TAFA5: variants seen among roughly 807,000 people sequenced by gnomAD.
TAFA5 encodes the protein TAFA chemokine like family member 5.
A neutral mutation model predicts 15.3 loss-of-function variants in TAFA5; 6 were observed. The ratio of observed to expected loss-of-function variants is 0.39; its 90% CI spans 0.21 to 0.77. The LOEUF is 0.77. Ranked by LOEUF, TAFA5 falls within the 30% of genes least tolerant of loss-of-function variation. The probability of loss-of-function intolerance (pLI) is 0.41; values close to 1 mark genes in which losing one functional copy is unlikely to be tolerated. For missense variants in TAFA5, 161 were observed against 193.1 expected, an observed-to-expected ratio of 0.83 and a Z score of 0.98; for synonymous variants, 103 against 80.7, an observed-to-expected ratio of 1.28 and a Z score of -1.48.
At chr22:48,714,081 G>A (rs920502212) in intron 3 of TAFA5, among the ~76,000 whole-genome samples, 15 of 152,230 alleles carry the variant, frequency 9.9e-5, no homozygotes, top group East Asian at 1.9e-4. Context: ...CGCCCAGGGC[G>A]GCCCTGCAGA....
At chr22:48,635,744 C>T (rs1457660088) in intron 1 of TAFA5, among the ~76,000 whole-genome samples, 1 of 152,176 alleles carries the variant, frequency 6.6e-6, no homozygotes, top group Non-Finnish European at 1.5e-5. Flanking sequence ...CTGGGGGTGG[C>T]ACTGGGCGTT....
At chr22:48,649,594 G>A (rs950007701) in intron 2 of TAFA5, among the ~76,000 whole-genome samples, 5 of 152,162 alleles carry the variant, frequency 3.3e-5, no homozygotes, top group East Asian at 1.9e-4. Flanking sequence ...CTCAGGCCTC[G>A]GTTCTACAGA....
Position 48,544,306 on chromosome 22 carries a change from T to TC in TAFA5, c.112+54607dup, listed in dbSNP as rs1034708719. On this transcript the variant is annotated intron_variant, in intron 1 of 3. Coordinates refer to ENST00000402357, the MANE Select transcript of TAFA5 (RefSeq NM_001082967.3). ...AGAGCTGTGGACCTGGGGGGCATCC[T>TC]CCCCCTGCGTTGTCTGCCCCCTCTA... 6 of 249,538 alleles carry TC rather than the reference T, an allele frequency of 2.4e-5. No individual in the cohort carries two copies. In the South Asian group the frequency reaches 3.3e-4, roughly 14 times the overall value. The allele number at this position is 249,538 out of a possible 1,614,324, so 15.5% of individuals were successfully genotyped here. A position where few individuals can be genotyped will look rare whatever the true frequency, so the allele number is the denominator to read the frequency against.
intron 1 of TAFA5, among the ~76,000 whole-genome samples, chr22:48,531,695 C>A (rs1461996193): frequency 1.3e-5 from 2 of 152,178 alleles, no homozygotes; most frequent in Non-Finnish European, 2.9e-5. Flanking sequence ...CTGTCAGTCT[C>A]GCGCCAGAGA....
At chr22:48,493,281 A>G (rs1202218640) in intron 1 of TAFA5, among the ~76,000 whole-genome samples, 1 of 152,208 alleles carries the variant, frequency 6.6e-6, no homozygotes, top group African/African-American at 2.4e-5. Flanking sequence ...CAGGTTCACT[A>G]TGTGCTGGAC....
chr22:48,700,164 C>T (rs130125), intron 2 of TAFA5, among the ~76,000 whole-genome samples: 93,435 of 151,528 alleles, frequency 0.62, 29,555 homozygotes, highest in African/African-American at 0.76. Context: ...TGCTGGATCC[C>T]GAAACCCTTC....
At chr22:48,654,456 A>G (rs1034960209) in intron 2 of TAFA5, among the ~76,000 whole-genome samples, 4 of 152,060 alleles carry the variant, frequency 2.6e-5, no homozygotes, top group Admixed American at 6.5e-5. Context: ...ACTCCTTCCC[A>G]TGAGGATGGG....
At chr22:48,495,986 T>A (rs1348051028) in intron 1 of TAFA5, among the ~76,000 whole-genome samples, 2 of 152,228 alleles carry the variant, frequency 1.3e-5, no homozygotes, top group African/African-American at 2.4e-5. Context: ...CTCTCCCACA[T>A]ACTCCGGATT....
intron 1 of TAFA5, among the ~76,000 whole-genome samples, chr22:48,594,426 T>G (rs1273581076): frequency 6.6e-6 from 1 of 152,142 alleles, no homozygotes; most frequent in Non-Finnish European, 1.5e-5. Flanking sequence ...CACACGAGTG[T>G]GCACAGGCAG....
chr22:48,601,866 T>G (rs1924985585), intron 1 of TAFA5, among the ~76,000 whole-genome samples: 2 of 152,238 alleles, frequency 1.3e-5, no homozygotes, highest in Non-Finnish European at 2.9e-5. Context: ...CCTAGAGCAG[T>G]GTGCGGCGAG....
chr22:48,567,236 G>A (rs937590875), intron 1 of TAFA5, among the ~76,000 whole-genome samples: 1 of 152,216 alleles, frequency 6.6e-6, no homozygotes, highest in African/African-American at 2.4e-5. Flanking sequence ...CCCTCACTTG[G>A]GGAGAGCATC....
intron 2 of TAFA5, among the ~76,000 whole-genome samples, chr22:48,672,812 C>G (rs1004266740): frequency 1.3e-5 from 2 of 152,192 alleles, no homozygotes; most frequent in African/African-American, 4.8e-5. Flanking sequence ...TTCTTTTCCT[C>G]CATTGTCTTT....
intron 2 of TAFA5, among the ~76,000 whole-genome samples, chr22:48,685,991 G>A (rs112514540): frequency 2.0e-5 from 3 of 151,478 alleles, no homozygotes; most frequent in Admixed American, 6.6e-5. Context: ...CGTGCGCCCC[G>A]GGAGTACACG....
At chr22:48,575,009 TGTGA>T (rs1279695251) in intron 1 of TAFA5, among the ~76,000 whole-genome samples, 1 of 151,906 alleles carries the variant, frequency 6.6e-6, no homozygotes, top group African/African-American at 2.4e-5. Flanking sequence ...TAGGGGCAGG[TGTGA>T]GTGTGTTTGT....
At chr22:48,736,952 T>A (rs879284858) in intron 3 of TAFA5, among the ~76,000 whole-genome samples, 7 of 151,172 alleles carry the variant, frequency 4.6e-5, no homozygotes, top group Non-Finnish European at 1.0e-4. Context: ...TGGCAAATTT[T>A]ATTGTATGTG....
At chr22:48,593,091 C>G (rs1040541199) in intron 1 of TAFA5, among the ~76,000 whole-genome samples, 1 of 152,190 alleles carries the variant, frequency 6.6e-6, no homozygotes, top group Admixed American at 6.5e-5. Flanking sequence ...CGACAGGAGC[C>G]GCAGCAGACG....
intron 1 of TAFA5, among the ~76,000 whole-genome samples, chr22:48,590,208 AAAG>A (rs573085885): frequency 1.6e-3 from 238 of 152,286 alleles, no homozygotes; most frequent in African/African-American, 5.7e-3. Context: ...GTTGGGGGTT[AAAG>A]AAGAAGCTGG....
At chr22:48,659,892 A>G (rs1312474265) in intron 2 of TAFA5, among the ~76,000 whole-genome samples, 1 of 152,244 alleles carries the variant, frequency 6.6e-6, no homozygotes, top group East Asian at 1.9e-4. Context: ...TAAATTAAAT[A>G]ACATAATGAA....
intron 3 of TAFA5, among the ~76,000 whole-genome samples, chr22:48,733,396 A>G (rs1405184404): frequency 6.6e-6 from 1 of 152,228 alleles, no homozygotes; most frequent in Non-Finnish European, 1.5e-5. Flanking sequence ...CACAGAACCC[A>G]GTTGCCCTAT....
Sources: allele counts gnomAD v4.1 joint callset (sites outside exome capture counted in the v4.1 genomes callset), GRCh38; gene constraint gnomAD v4.1.1; transcripts MANE v1.5; gene names NCBI Gene and HGNC (gene_info 2026-07-23, HGNC 2026-07-21).